L3MBTL4: variants seen among roughly 807,000 people sequenced by gnomAD.
L3MBTL4 encodes the protein lethal(3)malignant brain tumor-like protein 4.
In L3MBTL4, 70 loss-of-function variants were observed where a neutral mutation model predicts 84.5. That is an observed-to-expected ratio of 0.83 (90% CI 0.68 to 1.01). The LOEUF is 1.01. Among genes scored for constraint, L3MBTL4 ranks in the 50% least tolerant of loss-of-function variants. The pLI is 0.00. For synonymous variants in L3MBTL4, 274 were observed against 259.8 expected, an observed-to-expected ratio of 1.05 and a Z score of -0.52; for missense variants, 715 against 754.8, an observed-to-expected ratio of 0.95 and a Z score of 0.62.
chr18:6,056,492 T>G (rs1369691881), intron 16 of L3MBTL4, among the ~76,000 whole-genome samples: 1 of 152,222 alleles, frequency 6.6e-6, no homozygotes, highest in Non-Finnish European at 1.5e-5. Flanking sequence ...GAGAAATGTC[T>G]GAGTGCTGGT....
At chr18:6,210,521 T>C (rs1344339161) in intron 12 of L3MBTL4, among the ~76,000 whole-genome samples, 1 of 152,246 alleles carries the variant, frequency 6.6e-6, no homozygotes, top group Admixed American at 6.5e-5. Flanking sequence ...TTGGACCAAT[T>C]ACTTAATCTC....
intron 1 of L3MBTL4, among the ~76,000 whole-genome samples, chr18:6,391,879 A>C (rs461688): frequency 0.51 from 77,846 of 151,248 alleles, 20,016 homozygotes; most frequent in East Asian, 0.59. Flanking sequence ...GAAACACATC[A>C]CATGCTCATG....
rs185050365 is a variant in L3MBTL4, at chr18:6,402,171, C to G, written c.-91+12630G>C. ...GTGTATACATTCAGATTATTTTTAT[C>G]TCTTCAAAATAAGTACCTCGGGGAG... On this transcript the variant is annotated intron_variant, in intron 1 of 18. Transcript: ENST00000317931. Among the ~76,000 whole-genome samples the G allele has an allele frequency of 2.0e-3, 305 of 152,304 alleles. 1 individual carries two copies. The highest frequency in any genetic ancestry group is 3.6e-3 in the Non-Finnish European group (247 of 68,018).
chr18:6,354,696 T>A (rs1397878271), intron 1 of L3MBTL4, among the ~76,000 whole-genome samples: 1 of 152,114 alleles, frequency 6.6e-6, no homozygotes. Flanking sequence ...ACACCACTGA[T>A]CATCAGAGAA....
chr18:6,256,773 C>G (rs144520679), intron 5 of L3MBTL4: 1 of 152,272 alleles, frequency 6.6e-6, no homozygotes, highest in South Asian at 2.1e-4. Flanking sequence ...GTGGGTTTCC[C>G]GCTGGGCACC....
At chr18:6,270,444 C>T (rs1290143307) in intron 4 of L3MBTL4, among the ~76,000 whole-genome samples, 1 of 152,206 alleles carries the variant, frequency 6.6e-6, no homozygotes, top group Non-Finnish European at 1.5e-5. Flanking sequence ...GACAGATAAA[C>T]ATCACCCATA....
intron 14 of L3MBTL4, among the ~76,000 whole-genome samples, chr18:6,112,755 T>C (rs555410393): frequency 2.0e-5 from 3 of 152,240 alleles, no homozygotes; most frequent in East Asian, 1.9e-4. Flanking sequence ...TTAAAGAATA[T>C]AGTGTTTAGG....
At chr18:6,065,052 G>A (rs936165429) in intron 16 of L3MBTL4, among the ~76,000 whole-genome samples, 1 of 151,710 alleles carries the variant, frequency 6.6e-6, no homozygotes, top group Non-Finnish European at 1.5e-5. Flanking sequence ...GAGGGTTTTA[G>A]AATAAAGGGA....
chr18:5,995,332 C>T (rs967385802), intron 16 of L3MBTL4, among the ~76,000 whole-genome samples: 5 of 152,224 alleles, frequency 3.3e-5, no homozygotes, highest in Admixed American at 2.0e-4. Flanking sequence ...CTGGGCTCCA[C>T]GTTTACTGCC....
intron 13 of L3MBTL4, among the ~76,000 whole-genome samples, chr18:6,159,785 G>A (rs1239712737): frequency 2.0e-5 from 3 of 152,154 alleles, no homozygotes; most frequent in African/African-American, 4.8e-5. Context: ...AGAAAAGTCT[G>A]TTAGTTACTA....
intron 1 of L3MBTL4, among the ~76,000 whole-genome samples, chr18:6,319,296 A>C (rs71360029): frequency 2.6e-5 from 4 of 152,062 alleles, no homozygotes; most frequent in African/African-American, 9.7e-5. Flanking sequence ...AATAGAAACA[A>C]CAACAACAAC....
intron 1 of L3MBTL4, among the ~76,000 whole-genome samples, chr18:6,361,924 T>C (rs2053713193): frequency 6.6e-6 from 1 of 151,814 alleles, no homozygotes. Context: ...GAGACCAGCC[T>C]GAGAAACATA....
chr18:6,384,489 C>T lies in L3MBTL4; in HGVS notation c.-91+30312G>A, dbSNP rs541624245. On this transcript the variant is annotated intron_variant, in intron 1 of 18. Transcript: ENST00000317931. ...CACTTTTCTCTGTTGAATTGTATAC[C>T]CTGTGCATGTTTTACTTTTTGAAAA... Among the ~76,000 whole-genome samples, 17 of 152,156 alleles carry T rather than the reference C, an allele frequency of 1.1e-4. No individual in the cohort carries two copies. The South Asian group carries it at 3.1e-3, about 28-fold the overall frequency.
intron 16 of L3MBTL4, among the ~76,000 whole-genome samples, chr18:5,997,572 T>C (rs941759153): frequency 6.6e-6 from 1 of 152,198 alleles, no homozygotes; most frequent in African/African-American, 2.4e-5. Flanking sequence ...CTCAAAAGAA[T>C]GCAACCATTT....
chr18:6,101,367 G>C (rs927716620), intron 14 of L3MBTL4, among the ~76,000 whole-genome samples: 1 of 152,104 alleles, frequency 6.6e-6, no homozygotes, highest in Non-Finnish European at 1.5e-5. Flanking sequence ...CCAGGTTTGC[G>C]TGGGAGGAAT....
At chr18:6,337,664 A>G (rs1472340223) in intron 1 of L3MBTL4, among the ~76,000 whole-genome samples, 1 of 152,136 alleles carries the variant, frequency 6.6e-6, no homozygotes, top group Non-Finnish European at 1.5e-5. Context: ...TGTTTTTAAT[A>G]TAGTTGCTGG....
intron 4 of L3MBTL4, among the ~76,000 whole-genome samples, chr18:6,267,808 T>A (rs1017752413): frequency 6.6e-6 from 1 of 152,204 alleles, no homozygotes; most frequent in African/African-American, 2.4e-5. Flanking sequence ...TTTCATTGAA[T>A]TGCATATTTT....
intron 4 of L3MBTL4, among the ~76,000 whole-genome samples, chr18:6,270,323 C>T (rs1211463284): frequency 2.0e-5 from 3 of 152,192 alleles, no homozygotes; most frequent in Non-Finnish European, 4.4e-5. Context: ...CATTTCAGTA[C>T]TACCGAATTT....
chr18:6,083,861 A>G (rs1361116674), intron 15 of L3MBTL4, among the ~76,000 whole-genome samples: 5 of 152,166 alleles, frequency 3.3e-5, no homozygotes, highest in Non-Finnish European at 4.4e-5. Context: ...GTCACCCAAG[A>G]GTCTCTGCTA....
Sources: allele counts gnomAD v4.1 joint callset (sites outside exome capture counted in the v4.1 genomes callset), GRCh38; gene constraint gnomAD v4.1.1; transcripts MANE v1.5; gene names NCBI Gene and HGNC (gene_info 2026-07-23, HGNC 2026-07-21).